Variants in PCDHGB2 observed in about 807,000 individuals in gnomAD.
PCDHGB2 encodes the protein protocadherin gamma subfamily B, 2.
PCDHGB2 carries 55 observed loss-of-function variants against 59.3 expected under a neutral mutation model. The ratio of observed to expected loss-of-function variants is 0.93; its 90% CI spans 0.75 to 1.16. The LOEUF (loss-of-function observed/expected upper bound fraction) is 1.16, where lower values mean the gene tolerates loss of function less well. Ranked by LOEUF, PCDHGB2 falls within the 50% of genes most tolerant of loss-of-function variation. The pLI, the probability that PCDHGB2 is intolerant of heterozygous loss-of-function variation, is 0.00. For synonymous variants in PCDHGB2, 516 were observed against 512.0 expected (o/e 1.01, Z -0.11); for missense variants, 1,228 against 1,198.5 (o/e 1.02, Z -0.36).
intron 1 of PCDHGB2, among the ~76,000 whole-genome samples, chr5:141,406,747 CA>C (rs889749071): frequency 1.2e-4 from 19 of 152,168 alleles, no homozygotes; most frequent in Non-Finnish European, 2.1e-4. Flanking sequence ...TGTGAAATGA[CA>C]AAACAAGGAA....
intron 1 of PCDHGB2, among the ~76,000 whole-genome samples, chr5:141,459,101 C>A (rs1021289352): frequency 6.6e-6 from 1 of 152,192 alleles, no homozygotes; most frequent in Non-Finnish European, 1.5e-5. Context: ...CAGTGCAATG[C>A]ATTTTGACAA....
rs192227219 is a variant in PCDHGB2 at position 141,501,899 on chromosome 5, A to G, written c.2481-3494A>G. Among the ~76,000 whole-genome samples the G allele has an allele frequency of 1.0e-3, 159 of 152,024 alleles. 1 individual carries two copies. The highest frequency in any genetic ancestry group is 6.8e-3 in the Middle Eastern group (2 of 294). ...TACACTCCTGATCATCATGGTTCCA[A>G]CCCCACTGTTCCACTCAGCTTTGTT... is the stretch of plus-strand genomic sequence containing the variant. On this transcript the variant is annotated intron_variant, in intron 2 of 3. Transcript: ENST00000522605.
At chr5:141,484,478 A>G (rs2099596967) in intron 1 of PCDHGB2, among the ~76,000 whole-genome samples, 1 of 152,244 alleles carries the variant, frequency 6.6e-6, no homozygotes, top group Admixed American at 6.5e-5. Context: ...CTTTTCTGCA[A>G]AGAGATGGAT....
chr5:141,397,379 T>C (rs1470838357), intron 1 of PCDHGB2, among the ~76,000 whole-genome samples: 1 of 152,206 alleles, frequency 6.6e-6, no homozygotes, highest in East Asian at 1.9e-4. Context: ...TGGGGATTGG[T>C]ATAAAATTGC....
At chr5:141,413,058 C>G (rs2095601249) in intron 1 of PCDHGB2, 1 of 1,073,304 alleles carries the variant, frequency 9.3e-7, no homozygotes, top group Non-Finnish European at 1.3e-6. Context: ...AAGCTCACTC[C>G]AGAATTTAAA....
intron 1 of PCDHGB2, chr5:141,417,186 C>A (rs2154546857): frequency 6.6e-6 from 1 of 152,258 alleles, no homozygotes; most frequent in Admixed American, 6.5e-5. Context: ...GGAATTATTA[C>A]TTTCTGGGTG....
intron 1 of PCDHGB2, chr5:141,366,483 G>A: frequency 6.2e-7 from 1 of 1,614,236 alleles, no homozygotes; most frequent in South Asian, 1.1e-5. Context: ...AGACTGAGGC[G>A]CTGGCACAAG....
chr5:141,422,909 C>T (rs1260941191), intron 1 of PCDHGB2: 1 of 1,614,252 alleles, frequency 6.2e-7, no homozygotes, highest in East Asian at 2.2e-5. Flanking sequence ...GACAATGCGC[C>T]CGAGATCCTG....
intron 1 of PCDHGB2, chr5:141,471,461 T>C (rs1409374601): frequency 6.6e-6 from 1 of 152,194 alleles, no homozygotes; most frequent in Non-Finnish European, 1.5e-5. Flanking sequence ...GAAAGATTAC[T>C]CAGGTCTCTG....
chr5:141,409,183 C>G (rs1217234895), intron 1 of PCDHGB2: 6 of 1,614,028 alleles, frequency 3.7e-6, no homozygotes, highest in Non-Finnish European at 5.1e-6. Context: ...GAGGTGGTCT[C>G]TCTACCCAGT....
chr5:141,364,528 C>T (rs1445482375), intron 1 of PCDHGB2: 5 of 1,614,048 alleles, frequency 3.1e-6, no homozygotes, highest in Non-Finnish European at 2.5e-6. Context: ...GAGTCCGCAT[C>T]GTCTCCAGAG....
Position 141,490,083 on chromosome 5 carries a change from T to G in PCDHGB2, c.2422-4724T>G. Reference sequence around the variant, plus strand: ...CCAACGGCCAACTAGACTATTCTTTTGGAGACCACACATCTGAGGCAGTGC... The same window carrying G: ...CCAACGGCCAACTAGACTATTCTTTGGGAGACCACACATCTGAGGCAGTGC... On this transcript the variant is annotated intron_variant, in intron 1 of 3. Coordinates refer to ENST00000522605, the MANE Select transcript of PCDHGB2 (RefSeq NM_018923.3). This position sits in a 1 kb window ranked among gnomAD's most constrained non-coding sequence, Gnocchi z 5.4. 1.2e-6 allele frequency: 2 copies of G among 1,614,262 alleles called. No individual in the cohort carries two copies. The highest frequency in any genetic ancestry group is 1.7e-6 in the Non-Finnish European group (2 of 1,180,054).
At chr5:141,370,531 T>C (rs373245420) in intron 1 of PCDHGB2, 8 of 1,613,822 alleles carry the variant, frequency 5.0e-6, no homozygotes, top group Middle Eastern at 1.6e-4. Flanking sequence ...AGGGGCTCGC[T>C]GGTAGGGAAC....
At chr5:141,388,465 T>C in intron 1 of PCDHGB2, 2 of 1,613,816 alleles carry the variant, frequency 1.2e-6, no homozygotes, top group Non-Finnish European at 1.7e-6. Flanking sequence ...TACCCTGAGA[T>C]GGTATTGAAG....
At position 141,477,550 on chromosome 5, in the gene PCDHGB2, C is replaced by T. The variant is rs1262360790; in HGVS notation, c.2422-17257C>T. The T allele has an allele frequency of 4.3e-6, 7 of 1,614,178 alleles. No homozygotes were observed. The highest frequency in any genetic ancestry group is 5.9e-6 in the Non-Finnish European group (7 of 1,180,036). On this transcript the variant is annotated intron_variant, in intron 1 of 3. Transcript: ENST00000522605. This position sits in a 1 kb window ranked among gnomAD's most constrained non-coding sequence, Gnocchi z 4.9. ...ACCTCCCCGGGGCTCCAATACTAAACCTAAGTGTCTGGGACCCCGACGCCC... is the reference window on the plus strand; with the variant it reads ...ACCTCCCCGGGGCTCCAATACTAAATCTAAGTGTCTGGGACCCCGACGCCC...
intron 1 of PCDHGB2, chr5:141,428,122 G>A: frequency 6.2e-7 from 1 of 1,606,172 alleles, no homozygotes; most frequent in Non-Finnish European, 8.5e-7. Context: ...ATCGAGCCCG[G>A]GCTTTTCAGC....
chr5:141,366,763 C>T (rs1764787065), intron 1 of PCDHGB2: 3 of 1,604,810 alleles, frequency 1.9e-6, no homozygotes, highest in Non-Finnish European at 2.6e-6. Context: ...TTAGTTTTCT[C>T]TTTCGGTAAG....
intron 1 of PCDHGB2, chr5:141,413,285 A>G: frequency 1.9e-6 from 3 of 1,613,892 alleles, no homozygotes; most frequent in Non-Finnish European, 2.5e-6. Flanking sequence ...CAGATCTCCT[A>G]CTCAATTCCT....
chr5:141,370,877 T>C (rs372858299), intron 1 of PCDHGB2: 41 of 1,614,038 alleles, frequency 2.5e-5, no homozygotes, highest in Middle Eastern at 1.6e-4. Flanking sequence ...AAGATCCTGA[T>C]GTAGGTGTCA....
Sources: allele counts gnomAD v4.1 joint callset (sites outside exome capture counted in the v4.1 genomes callset), GRCh38; gene constraint gnomAD v4.1.1; non-coding constraint Gnocchi (gnomAD v3.1); transcripts MANE v1.5; gene names NCBI Gene and HGNC (gene_info 2026-07-23, HGNC 2026-07-21).